TMC2: variants seen among roughly 807,000 people sequenced by gnomAD.
TMC2 encodes the protein transmembrane channel like 2, also known as transmembrane channel-like protein 2.
A neutral mutation model predicts 105.9 loss-of-function variants in TMC2; 102 were observed. The observed-to-expected ratio is 0.96, with a 90% CI of 0.82 to 1.14. The LOEUF is 1.14. Ranked by LOEUF, TMC2 falls within the 50% of genes most tolerant of loss-of-function variation. The pLI is 0.00. For synonymous variants in TMC2, 402 were observed against 422.8 expected (o/e 0.95, Z 0.60); for missense variants, 1,093 against 1,134.3 (o/e 0.96, Z 0.52).
At chr20:2,570,025 C>G (rs1043312247) in intron 4 of TMC2, among the ~76,000 whole-genome samples, 5 of 152,144 alleles carry the variant, frequency 3.3e-5, no homozygotes, top group African/African-American at 1.2e-4. Flanking sequence ...TAGTGAAATT[C>G]ATACTGAATG....
At position 2,572,229 on chromosome 20, in the gene TMC2, A is replaced by C. The variant is rs759543692; in HGVS notation, c.605A>C (p.Lys202Thr). The change falls in exon 5 of 20, where the codon AAA (lysine) becomes ACA (threonine). Residue 202 changes from lysine (K) to threonine (T), a missense_variant. Transcript: ENST00000358864. ...EKYEGALGKG[K>T]GKQLYAYKML... ...TATGAAGGTGCCTTGGGAAAGGGGA[A>C]AGGCAAGCAACTATATGCCTACAAG... The C allele has an allele frequency of 1.2e-6, 2 of 1,613,524 alleles. No individual in the cohort carries two copies. Among genetic ancestry groups the C allele is most frequent in the East Asian group, 4.5e-5 (2 of 44,884 alleles).
intron 2 of TMC2, among the ~76,000 whole-genome samples, chr20:2,542,719 A>T (rs2122794809): frequency 1.4e-5 from 2 of 144,152 alleles, no homozygotes; most frequent in African/African-American, 2.6e-5. Context: ...TTTTTGACAG[A>T]GTCTCGCTCT....
rs1411939120 is a variant in TMC2, at chr20:2,617,122, T to C, written c.1991T>C (p.Leu664Pro). 1 of 1,614,232 alleles carries C rather than the reference T, an allele frequency of 6.2e-7. No individual in the cohort carries two copies. Among genetic ancestry groups the C allele is most frequent in the South Asian group, 1.1e-5 (1 of 91,086 alleles). Residue 664 changes from leucine (L) to proline (P), a missense_variant, in exon 16 of 20, where the codon CTG (leucine) becomes CCG (proline). Transcript: ENST00000358864. ...PGLVGINVLRLLTSMYFQCWA... is the reference protein window; with the variant it reads ...PGLVGINVLRPLTSMYFQCWA... ...CTGGTGGGCATTAATGTGCTGCGCC[T>C]GCTGACCTCCATGTACTTCCAGTGC...
At chr20:2,545,822 GAAGAAAGAAAGAAAGA>G (rs56859666) in intron 2 of TMC2, among the ~76,000 whole-genome samples, 5 of 117,972 alleles carry the variant, frequency 4.2e-5, no homozygotes, top group African/African-American at 1.7e-4. Context: ...AGAGGAAGAG[GAAGAAAGAAAGAAAGA>G]AAGAAAGAAA....
At chr20:2,540,638 G>A (rs2122790456) in intron 2 of TMC2, among the ~76,000 whole-genome samples, 1 of 145,474 alleles carries the variant, frequency 6.9e-6, no homozygotes, top group South Asian at 2.3e-4. Context: ...TCCAGCCTGG[G>A]CGGCAGAGAG....
chr20:2,602,879 T>C (rs557860997), intron 11 of TMC2, among the ~76,000 whole-genome samples: 185 of 152,366 alleles, frequency 1.2e-3, no homozygotes, highest in Non-Finnish European at 2.2e-3. Flanking sequence ...ATCCCTTTGC[T>C]TTCCTTTGCA....
intron 10 of TMC2, among the ~76,000 whole-genome samples, chr20:2,599,668 C>A (rs911065018): frequency 1.1e-4 from 16 of 150,246 alleles, no homozygotes; most frequent in South Asian, 2.1e-4. Context: ...TCTCAAATTC[C>A]TGGCCTCAAG....
Position 2,536,618 on chromosome 20 carries a change from GA to G in TMC2, c.-3del. ...TGTGCAGGACCCCAGCAGTGCTGCT[GA>G]CCATGAGCCACCAGGTAAAGGGCCT... is the stretch of plus-strand genomic sequence containing the variant. On this transcript the variant is annotated 5_prime_UTR_variant, in exon 1 of 20. Coordinates refer to ENST00000358864, the MANE Select transcript of TMC2 (RefSeq NM_080751.3). 2 of 1,572,012 alleles carry G rather than the reference GA, an allele frequency of 1.3e-6. No individual in the cohort carries two copies. The highest frequency in any genetic ancestry group is 1.7e-6 in the Non-Finnish European group (2 of 1,158,692).
rs75925224 is a variant in TMC2, at chr20:2,568,097, A to G, written c.555-4082A>G. On this transcript the variant is annotated intron_variant, in intron 4 of 19. Coordinates refer to ENST00000358864, the MANE Select transcript of TMC2 (RefSeq NM_080751.3). The stretch of plus-strand genomic sequence containing the variant: ...AAAAGTATTCAAAGAAATTATGGCT[A>G]AAACTGTCTCAGATTTGGCAAAACT... Among the ~76,000 whole-genome samples, 1,064 of 152,344 alleles carry G rather than the reference A, an allele frequency of 7.0e-3. 17 individuals are homozygous for G. The highest frequency in any genetic ancestry group is 0.025 in the African/African-American group (1,023 of 41,588).
chr20:2,614,366 G>A (rs534946289), intron 14 of TMC2, among the ~76,000 whole-genome samples: 1 of 152,260 alleles, frequency 6.6e-6, no homozygotes, highest in South Asian at 2.1e-4. Context: ...AGCACTTTGG[G>A]AGGCCAAATT....
At position 2,617,287 on chromosome 20, in the gene TMC2, C is replaced by G; in HGVS notation, c.2156C>G (p.Pro719Arg). The G allele has an allele frequency of 6.2e-7, 1 of 1,614,240 alleles. No homozygotes were observed. The highest frequency in any genetic ancestry group is 8.5e-7 in the Non-Finnish European group (1 of 1,180,048). Residue 719 changes from proline (P) to arginine (R), a missense_variant, in exon 16 of 20, where the codon CCC (proline) becomes CGC (arginine). By Grantham distance (103) the Pro-to-Arg change is moderately radical. Coordinates refer to ENST00000358864, the MANE Select transcript of TMC2 (RefSeq NM_080751.3). ...GCCTACACCATCATGTCCCTCCCACCCTCCTTTGACTGCGGGCCGTTCAGG... is the reference window on the plus strand; with the variant it reads ...GCCTACACCATCATGTCCCTCCCACGCTCCTTTGACTGCGGGCCGTTCAGG... ...PVAYTIMSLP[P>R]SFDCGPFSGK...
At chr20:2,604,072 C>A (rs1195187503) in intron 11 of TMC2, among the ~76,000 whole-genome samples, 1 of 152,204 alleles carries the variant, frequency 6.6e-6, no homozygotes, top group Admixed American at 6.5e-5. Context: ...AACAGATGAG[C>A]CAAGTGGGTC....
Position 2,612,294 on chromosome 20 carries a change from C to T in TMC2, c.1697C>T (p.Pro566Leu). Residue 566 changes from proline to leucine, a missense_variant, in exon 13 of 20, where the codon CCT becomes CTT. Coordinates refer to ENST00000358864, the MANE Select transcript of TMC2 (RefSeq NM_080751.3). ...NESVPRPPLH[P>L]ADVPRGSCWE... Reference sequence around the variant, plus strand: ...AGTGTCCCCCGACCACCCCTGCACCCTGCAGATGTGCCCCGGGGTTCTTGC... The same window carrying T: ...AGTGTCCCCCGACCACCCCTGCACCTTGCAGATGTGCCCCGGGGTTCTTGC... 6.2e-7 allele frequency: 1 copy of T among 1,600,556 alleles called. No individual in the cohort carries two copies. The highest frequency in any genetic ancestry group is 8.5e-7 in the Non-Finnish European group (1 of 1,171,356).
At chr20:2,552,115 G>A (rs1207436965) in intron 2 of TMC2, among the ~76,000 whole-genome samples, 4 of 152,086 alleles carry the variant, frequency 2.6e-5, no homozygotes, top group African/African-American at 9.7e-5. Context: ...AAATTAGCTG[G>A]GCATGGTTAG....
chr20:2,597,342 C>A (rs372758025), intron 10 of TMC2, 44 bp downstream of exon 10: 2 of 1,586,226 alleles, frequency 1.3e-6, no homozygotes, highest in East Asian at 2.3e-5. Flanking sequence ...AACTCTAGGT[C>A]CCTCTGGTCA....
At chr20:2,556,772 G>T (rs2085987749) in intron 2 of TMC2, among the ~76,000 whole-genome samples, 1 of 152,026 alleles carries the variant, frequency 6.6e-6, no homozygotes, top group Non-Finnish European at 1.5e-5. Flanking sequence ...TGCAAGGCAG[G>T]TCTACTGACA....
intron 17 of TMC2, among the ~76,000 whole-genome samples, chr20:2,627,171 T>C (rs2086570489): frequency 6.6e-6 from 1 of 152,334 alleles, no homozygotes; most frequent in Middle Eastern, 3.4e-3. Flanking sequence ...TTTACTCATA[T>C]AGCCTCCAGT....
At chr20:2,539,029 G>A (rs2085870767) in intron 2 of TMC2, among the ~76,000 whole-genome samples, 1 of 152,166 alleles carries the variant, frequency 6.6e-6, no homozygotes. Flanking sequence ...GTATCATTTG[G>A]TAAGTGCACT....
intron 2 of TMC2, among the ~76,000 whole-genome samples, chr20:2,554,726 A>G (rs961965659): frequency 6.6e-6 from 1 of 152,152 alleles, no homozygotes; most frequent in African/African-American, 2.4e-5. Flanking sequence ...TTTATCTCCA[A>G]ATATTTTGGT....
Sources: gnomAD v4.1 joint callset for allele counts (sites outside exome capture counted in the v4.1 genomes callset) on GRCh38, gnomAD v4.1.1 for gene constraint, MANE v1.5 for transcripts, NCBI Gene and HGNC (gene_info 2026-07-23, HGNC 2026-07-21) for gene names.